Variants in CCDC91 observed in about 807,000 individuals in gnomAD.
CCDC91 encodes coiled-coil domain containing 91.
In CCDC91, 48 loss-of-function variants were observed where a neutral mutation model predicts 63.2. The ratio of observed to expected loss-of-function variants is 0.76; its 90% CI spans 0.60 to 0.97. CCDC91 has a LOEUF of 0.97. Among genes scored for constraint, CCDC91 ranks in the 50% least tolerant of loss-of-function variants. The pLI is 0.00. For missense variants in CCDC91, 500 were observed against 494.6 expected, an observed-to-expected ratio of 1.01 and a Z score of -0.10; for synonymous variants, 167 against 165.8, an observed-to-expected ratio of 1.01 and a Z score of -0.06.
At chr12:28,470,216 G>A (rs1950745975) in intron 11 of CCDC91, among the ~76,000 whole-genome samples, 1 of 151,680 alleles carries the variant, frequency 6.6e-6, no homozygotes, top group Admixed American at 6.6e-5. Flanking sequence ...GAATATATAA[G>A]GAGTTCAAAC....
At chr12:28,433,507 C>G (rs1191204172) in intron 8 of CCDC91, among the ~76,000 whole-genome samples, 2 of 151,916 alleles carry the variant, frequency 1.3e-5, no homozygotes, top group African/African-American at 4.8e-5. Context: ...TGCCACTTTT[C>G]AAATATCAGT....
chr12:28,237,417 G>C (rs1438129716), intron 1 of CCDC91, among the ~76,000 whole-genome samples: 1 of 152,138 alleles, frequency 6.6e-6, no homozygotes, highest in East Asian at 1.9e-4. Context: ...TAGATTATCT[G>C]TGCGGGTCCT....
chr12:28,359,771 G>A (rs1943754895), intron 6 of CCDC91, among the ~76,000 whole-genome samples: 1 of 152,096 alleles, frequency 6.6e-6, no homozygotes, highest in African/African-American at 2.4e-5. Context: ...ACATAAAATG[G>A]CAGAATATTT....
intron 1 of CCDC91, among the ~76,000 whole-genome samples, chr12:28,211,407 A>G (rs1943223646): frequency 6.6e-6 from 1 of 152,108 alleles, no homozygotes; most frequent in Non-Finnish European, 1.5e-5. Flanking sequence ...AAACATAGAC[A>G]TTAGCGAGTC....
At chr12:28,285,369 C>T (rs1948849852) in intron 3 of CCDC91, among the ~76,000 whole-genome samples, 1 of 152,016 alleles carries the variant, frequency 6.6e-6, no homozygotes, top group African/African-American at 2.4e-5. Context: ...CAGAGACAAG[C>T]TAAGCTTATG....
chr12:28,429,825 A>C (rs1274766027), intron 8 of CCDC91, among the ~76,000 whole-genome samples: 1 of 148,912 alleles, frequency 6.7e-6, no homozygotes, highest in Non-Finnish European at 1.5e-5. Context: ...TGTAATTACA[A>C]ATCAAGATTA....
intron 1 of CCDC91, among the ~76,000 whole-genome samples, chr12:28,200,849 G>A (rs201349622): frequency 0.2 from 29,514 of 150,688 alleles, 3,302 homozygotes; most frequent in East Asian, 0.55. Flanking sequence ...CAGTAGGGGC[G>A]GCTGGGCAGA....
At chr12:28,524,151 A>G (rs893849545) in intron 12 of CCDC91, among the ~76,000 whole-genome samples, 2 of 152,120 alleles carry the variant, frequency 1.3e-5, no homozygotes, top group Admixed American at 6.6e-5. Context: ...TAGGACTTCC[A>G]GTACTATGTT....
At chr12:28,519,560 C>T (rs1431453550) in intron 12 of CCDC91, among the ~76,000 whole-genome samples, 2 of 147,426 alleles carry the variant, frequency 1.4e-5, no homozygotes, top group Non-Finnish European at 3.0e-5. Flanking sequence ...TTTCTCTTTT[C>T]TTTTTTTTTT....
intron 5 of CCDC91, 99 bp downstream of exon 5, chr12:28,307,044 C>A (rs1231348341): frequency 1.3e-6 from 1 of 774,410 alleles, no homozygotes; most frequent in Non-Finnish European, 2.0e-6. Context: ...GAAGAAGATA[C>A]TTTTCTCCCT....
At chr12:28,346,617 A>G (rs1942831466) in intron 6 of CCDC91, among the ~76,000 whole-genome samples, 1 of 152,140 alleles carries the variant, frequency 6.6e-6, no homozygotes, top group African/African-American at 2.4e-5. Context: ...AGAATATTTT[A>G]GAGAATACAA....
chr12:28,271,306 A>G (rs561832913), intron 3 of CCDC91, among the ~76,000 whole-genome samples: 1 of 152,146 alleles, frequency 6.6e-6, no homozygotes, highest in East Asian at 1.9e-4. Context: ...TTTCTCTTTC[A>G]TGATCATTAT....
chr12:28,270,825 G>A (rs2045887), intron 3 of CCDC91, among the ~76,000 whole-genome samples: 30,519 of 151,964 alleles, frequency 0.2, 4,018 homozygotes, highest in Non-Finnish European at 0.3. Flanking sequence ...GACGTTAGGA[G>A]GTAAGACTGT....
At chr12:28,490,487 G>C (rs1381390551) in intron 12 of CCDC91, among the ~76,000 whole-genome samples, 2 of 151,604 alleles carry the variant, frequency 1.3e-5, no homozygotes, top group East Asian at 3.9e-4. Context: ...TCCATTTCAG[G>C]TGGCACAATA....
At chr12:28,442,139 A>G (rs1949258447) in intron 8 of CCDC91, among the ~76,000 whole-genome samples, 1 of 152,082 alleles carries the variant, frequency 6.6e-6, no homozygotes, top group African/African-American at 2.4e-5. Context: ...TTTAAGTGTG[A>G]AAAGACCAAC....
chr12:28,238,557 C>T (rs1233330776), intron 1 of CCDC91, among the ~76,000 whole-genome samples: 4 of 152,114 alleles, frequency 2.6e-5, no homozygotes. Flanking sequence ...GTTGACCGTG[C>T]AGTCTTACTC....
intron 6 of CCDC91, among the ~76,000 whole-genome samples, chr12:28,350,305 A>G (rs1183014123): frequency 6.6e-6 from 1 of 152,192 alleles, no homozygotes; most frequent in Admixed American, 6.5e-5. Flanking sequence ...TATTATTAAG[A>G]TCTGTGTTAA....
intron 6 of CCDC91, among the ~76,000 whole-genome samples, chr12:28,314,271 A>G (rs1939620246): frequency 6.6e-6 from 1 of 152,018 alleles, no homozygotes; most frequent in Non-Finnish European, 1.5e-5. Flanking sequence ...ATACAGCCCC[A>G]GACTACTACT....
In CCDC91 at chr12:28,362,280, T is replaced by TTATATA. The variant is rs71438746; in HGVS notation, c.577-148_577-143dup. The stretch of plus-strand genomic sequence containing the variant: ...TTCTCCAATGCTTTTAAGCAAAGCT[T>TTATATA]TATATATATATATATGTTTTCTCTT... On this transcript the variant is annotated intron_variant, in intron 6 of 12. Coordinates refer to ENST00000536442, the MANE Select transcript of CCDC91 (RefSeq NM_018318.5). 1.2e-3 allele frequency among the ~76,000 whole-genome samples: 163 copies of TTATATA among 131,828 alleles called. 3 individuals are homozygous for TTATATA. Among genetic ancestry groups the TTATATA allele is most frequent in the African/African-American group, 3.6e-3 (141 of 39,666 alleles). The allele number at this position is 131,828 out of a possible 152,430, so 86.5% of individuals were successfully genotyped here.
Sources: gnomAD v4.1 joint callset for allele counts (sites outside exome capture counted in the v4.1 genomes callset) on GRCh38, gnomAD v4.1.1 for gene constraint, MANE v1.5 for transcripts, NCBI Gene and HGNC (gene_info 2026-07-23, HGNC 2026-07-21) for gene names.